Variants in ST6GALNAC3 observed in about 807,000 individuals in gnomAD.
ST6GALNAC3 encodes alpha-N-acetylgalactosaminide alpha-2,6-sialyltransferase 3.
A neutral mutation model predicts 32.7 loss-of-function variants in ST6GALNAC3; 25 were observed. That is an observed-to-expected ratio of 0.76 (90% CI 0.56 to 1.07). The LOEUF (loss-of-function observed/expected upper bound fraction) is 1.07, where lower values mean the gene tolerates loss of function less well. Ranked by LOEUF, ST6GALNAC3 falls within the 50% of genes least tolerant of loss-of-function variation. The pLI, the probability that ST6GALNAC3 is intolerant of heterozygous loss-of-function variation, is 0.00. For synonymous variants in ST6GALNAC3, 129 were observed against 133.1 expected, an observed-to-expected ratio of 0.97 and a Z score of 0.21; for missense variants, 355 against 382.4, an observed-to-expected ratio of 0.93 and a Z score of 0.60.
chr1:76,098,538 C>T (rs951158460), intron 1 of ST6GALNAC3, among the ~76,000 whole-genome samples: 3 of 152,026 alleles, frequency 2.0e-5, no homozygotes, highest in African/African-American at 7.2e-5. Flanking sequence ...GGTTGAACAC[C>T]TTTTAGATAT....
Position 76,628,948 on chromosome 1 carries a change from T to C in ST6GALNAC3, c.*142T>C, listed in dbSNP as rs551567390. 2.7e-6 allele frequency: 4 copies of C among 1,458,334 alleles called. No homozygotes were observed. In the East Asian group the frequency reaches 1.0e-4, roughly 37 times the overall value. 90.3% of individuals were successfully genotyped at this position (1,458,334 alleles called of 1,614,324 possible). ...GTTCCTGTACACTCTCAGATGTGGA[T>C]GGTGACTCTGCTAGTAATTTAAACT... On this transcript the variant is annotated 3_prime_UTR_variant, in exon 5 of 5. Transcript: ENST00000328299.
rs115440292 is a variant in ST6GALNAC3 at position 76,392,646 on chromosome 1, A to T, written c.214-19362A>T. Among the ~76,000 whole-genome samples, 853 of 152,276 alleles carry T rather than the reference A, an allele frequency of 5.6e-3. 7 individuals are homozygous for T. The highest frequency in any genetic ancestry group is 0.019 in the African/African-American group (803 of 41,556). On this transcript the variant is annotated intron_variant, in intron 2 of 4. Transcript: ENST00000328299. ...ATGGGATTAATCAGCCTGGGACTGG[A>T]GTAAATTAGAGGTTAGACTTCCAGC... is the stretch of plus-strand genomic sequence containing the variant.
chr1:76,537,280 A>C (rs1466914905), intron 3 of ST6GALNAC3, among the ~76,000 whole-genome samples: 2 of 152,170 alleles, frequency 1.3e-5, no homozygotes, highest in African/African-American at 4.8e-5. Context: ...AACCAATAAA[A>C]ACAAAGAGAC....
intron 3 of ST6GALNAC3, among the ~76,000 whole-genome samples, chr1:76,608,284 T>G (rs914558193): frequency 3.3e-5 from 5 of 152,154 alleles, no homozygotes; most frequent in Non-Finnish European, 7.4e-5. Context: ...ATTTATTCAT[T>G]TAATCAACAA....
intron 1 of ST6GALNAC3, among the ~76,000 whole-genome samples, chr1:76,141,611 C>T (rs1650327085): frequency 6.6e-6 from 1 of 152,122 alleles, no homozygotes; most frequent in African/African-American, 2.4e-5. Context: ...GCAAAAAAAG[C>T]ATGTACAGAT....
chr1:76,611,343 T>C (rs1647920424), intron 3 of ST6GALNAC3, among the ~76,000 whole-genome samples: 1 of 152,146 alleles, frequency 6.6e-6, no homozygotes, highest in African/African-American at 2.4e-5. Flanking sequence ...CACCTCCATC[T>C]AAAATACAAA....
rs772839113 is a variant in ST6GALNAC3 at position 76,149,104 on chromosome 1, C to T, written c.18+74220C>T. Reference sequence around the variant, plus strand: ...AGCACAGTGTATGGCACCTGGTAATCGGTCTCTCTATGATGAAGATTTGCT... The same window carrying T: ...AGCACAGTGTATGGCACCTGGTAATTGGTCTCTCTATGATGAAGATTTGCT... On this transcript the variant is annotated intron_variant, in intron 1 of 4. Transcript: ENST00000328299. Among the ~76,000 whole-genome samples the T allele has an allele frequency of 1.1e-4, 16 of 152,298 alleles. No homozygotes were observed. The Middle Eastern group carries it at 0.01, about 97-fold the overall frequency.
At chr1:76,356,915 A>G (rs12562911) in intron 2 of ST6GALNAC3, among the ~76,000 whole-genome samples, 40,710 of 151,942 alleles carry the variant, frequency 0.27, 6,086 homozygotes, top group East Asian at 0.64. Context: ...GCTTAGGAGA[A>G]AGTGCTAAAG....
intron 2 of ST6GALNAC3, among the ~76,000 whole-genome samples, chr1:76,387,587 C>T (rs1652198500): frequency 2.0e-5 from 3 of 151,724 alleles, no homozygotes; most frequent in Admixed American, 2.0e-4. Context: ...CTCCCTTGGC[C>T]CAAGTATTTA....
intron 3 of ST6GALNAC3, among the ~76,000 whole-genome samples, chr1:76,597,197 G>C (rs1039918419): frequency 7.2e-5 from 11 of 152,134 alleles, no homozygotes; most frequent in East Asian, 1.9e-4. Flanking sequence ...AAATAACAGA[G>C]AGCCGAGGAA....
chr1:76,523,027 C>T (rs1662646765), intron 3 of ST6GALNAC3, among the ~76,000 whole-genome samples: 1 of 152,168 alleles, frequency 6.6e-6, no homozygotes, highest in Admixed American at 6.5e-5. Flanking sequence ...GAGCCTAGGT[C>T]CATCCCCATG....
chr1:76,408,657 A>C (rs1469620615), intron 2 of ST6GALNAC3, among the ~76,000 whole-genome samples: 1 of 152,084 alleles, frequency 6.6e-6, no homozygotes, highest in Non-Finnish European at 1.5e-5. Context: ...ACTTAATTCT[A>C]TATTAAGCCT....
chr1:76,289,289 G>A (rs1220579931), intron 1 of ST6GALNAC3, among the ~76,000 whole-genome samples: 2 of 152,180 alleles, frequency 1.3e-5, no homozygotes, highest in Non-Finnish European at 2.9e-5. Context: ...GTAGCATAGG[G>A]CAGTGGTCAT....
rs538967381 is a variant in ST6GALNAC3 at position 76,448,387 on chromosome 1, G to A, written c.623+35970G>A. Among the ~76,000 whole-genome samples the A allele has an allele frequency of 7.2e-5, 11 of 152,294 alleles. 1 individual carries two copies. The South Asian group carries it at 8.3e-4, about 12-fold the overall frequency. ...GGACTTGTCTTGTCTCACATGAGAC[G>A]TTGGTCTATGGACTTTTGAGTTAAT... On this transcript the variant is annotated intron_variant, in intron 3 of 4. Transcript: ENST00000328299.
chr1:76,094,409 C>G (rs926385926), intron 1 of ST6GALNAC3, among the ~76,000 whole-genome samples: 5 of 152,108 alleles, frequency 3.3e-5, no homozygotes, highest in Admixed American at 6.6e-5. Context: ...TGAGAGCTTC[C>G]CAAGTGCTAG....
At chr1:76,255,881 G>A (rs1480039360) in intron 1 of ST6GALNAC3, among the ~76,000 whole-genome samples, 1 of 151,794 alleles carries the variant, frequency 6.6e-6, no homozygotes, top group Non-Finnish European at 1.5e-5. Context: ...GAAAAGTAGG[G>A]GTATAAGAAA....
chr1:76,320,933 G>C (rs1447099244), intron 2 of ST6GALNAC3, among the ~76,000 whole-genome samples: 1 of 150,638 alleles, frequency 6.6e-6, no homozygotes, highest in Non-Finnish European at 1.5e-5. Context: ...ATGTAAAATG[G>C]TGTGTAAATG....
chr1:76,418,362 A>C (rs1654788652), intron 3 of ST6GALNAC3, among the ~76,000 whole-genome samples: 1 of 152,156 alleles, frequency 6.6e-6, no homozygotes, highest in African/African-American at 2.4e-5. Context: ...CCGCCTTAAC[A>C]CACACAGTGT....
chr1:76,163,138 C>G (rs1383361414), intron 1 of ST6GALNAC3, among the ~76,000 whole-genome samples: 1 of 152,214 alleles, frequency 6.6e-6, no homozygotes, highest in East Asian at 1.9e-4. Flanking sequence ...TTGACTAACT[C>G]AGAACTGATT....
Sources: allele counts gnomAD v4.1 joint callset (sites outside exome capture counted in the v4.1 genomes callset), GRCh38; gene constraint gnomAD v4.1.1; transcripts MANE v1.5; gene names NCBI Gene and HGNC (gene_info 2026-07-23, HGNC 2026-07-21).